MICU2: variants seen among roughly 807,000 people sequenced by gnomAD.
MICU2 encodes the protein calcium uptake protein 2, mitochondrial.
Under a neutral mutation model 60.4 loss-of-function variants are expected in MICU2, and 64 were observed. The ratio of observed to expected loss-of-function variants is 1.06; its 90% CI spans 0.87 to 1.31. The LOEUF is 1.31. Among genes scored for constraint, MICU2 ranks in the 50% most tolerant of loss-of-function variants. MICU2 has a pLI of 0.00. For missense variants in MICU2, 569 were observed against 531.0 expected (o/e 1.07, Z -0.70); for synonymous variants, 201 against 175.0 (o/e 1.15, Z -1.17).
chr13:21,595,356 G>C (rs1243111038), intron 1 of MICU2, among the ~76,000 whole-genome samples: 1 of 152,206 alleles, frequency 6.6e-6, no homozygotes, highest in African/African-American at 2.4e-5. Flanking sequence ...TCAGGTCTCA[G>C]TCCACCTTTT....
intron 4 of MICU2, chr13:21,530,978 G>C: frequency 1.3e-6 from 1 of 783,566 alleles, no homozygotes; most frequent in Non-Finnish European, 2.3e-6. Context: ...TATACACTCT[G>C]GAAATGATTA....
Position 21,530,705 on chromosome 13 carries a change from G to A in MICU2, c.467-8055C>T, listed in dbSNP as rs968037647. The A allele has an allele frequency of 8.3e-5, 35 of 423,784 alleles. No homozygotes were observed. The Middle Eastern group carries it at 1.9e-3, about 23-fold the overall frequency. The allele number at this position is 423,784 out of a possible 1,614,324, so 26.3% of individuals were successfully genotyped here. ...TACTGGGGTGGCCACTGAGGGGGTC[G>A]GGGAGGCTGCACAAGGTGGCGAGCC... On this transcript the variant is annotated intron_variant, in intron 4 of 11. Coordinates refer to ENST00000382374, the MANE Select transcript of MICU2 (RefSeq NM_152726.3).
Position 21,514,449 on chromosome 13 carries a change from T to A in MICU2, c.598-31A>T, listed in dbSNP as rs550524102. ...AAGATTACAAACATGAGTTTACATG[T>A]GTGCCTACCAGATTTTTCAAAACAA... On this transcript the variant is annotated intron_variant, in intron 6 of 11. Coordinates refer to ENST00000382374, the MANE Select transcript of MICU2 (RefSeq NM_152726.3). 18 of 1,555,888 alleles carry A rather than the reference T, an allele frequency of 1.2e-5. No homozygotes were observed. In the African/African-American group the frequency reaches 1.5e-4, roughly 13 times the overall value.
chr13:21,552,575 A>C (rs1887599350), intron 2 of MICU2, among the ~76,000 whole-genome samples: 1 of 152,166 alleles, frequency 6.6e-6, no homozygotes, highest in South Asian at 2.1e-4. Flanking sequence ...CTAACATGTA[A>C]ATCTTTAATT....
At chr13:21,555,430 T>A (rs1036797540) in intron 2 of MICU2, among the ~76,000 whole-genome samples, 1 of 152,278 alleles carries the variant, frequency 6.6e-6, no homozygotes, top group African/African-American at 2.4e-5. Context: ...CACATGATTA[T>A]CTCAATAGAT....
In MICU2 at chr13:21,566,792, C is replaced by T. The variant is rs1021920974; in HGVS notation, c.358+5G>A. 3.9e-6 allele frequency: 6 copies of T among 1,548,082 alleles called. No homozygotes were observed. Among genetic ancestry groups the T allele is most frequent in the Non-Finnish European group, 5.2e-6 (6 of 1,151,872 alleles). On this transcript the variant is annotated splice_donor_5th_base_variant and intron_variant, in intron 2 of 11. Transcript: ENST00000382374. ...TTAATTAAAAAAAAAAAAGACCCAA[C>T]TCACGTTCCATTTGCTCAAACATCA...
chr13:21,533,450 A>G (rs1157167374), intron 4 of MICU2, among the ~76,000 whole-genome samples: 2 of 151,154 alleles, frequency 1.3e-5, no homozygotes, highest in African/African-American at 4.9e-5. Context: ...CAGCCTCCCG[A>G]GTAGCTGGGA....
rs114568628 is a variant in MICU2, at chr13:21,564,309, C to T, written c.358+2488G>A. On this transcript the variant is annotated intron_variant, in intron 2 of 11. Transcript: ENST00000382374. ...CTTTTATGTTTATCTGGGTAGGAAT[C>T]GGTTGGGTTTACTGTTTGCTGTAGT... is the stretch of plus-strand genomic sequence containing the variant. Among the ~76,000 whole-genome samples, 898 of 152,172 alleles carry T rather than the reference C, an allele frequency of 5.9e-3. 9 individuals carry two copies. The highest frequency in any genetic ancestry group is 0.02 in the African/African-American group (833 of 41,528).
At chr13:21,536,670 T>C (rs1320725545) in intron 4 of MICU2, among the ~76,000 whole-genome samples, 1 of 152,232 alleles carries the variant, frequency 6.6e-6, no homozygotes, top group Non-Finnish European at 1.5e-5. Context: ...TGTAAATCTC[T>C]TGAGATAACT....
chr13:21,602,587 A>T (rs989040347), intron 1 of MICU2, among the ~76,000 whole-genome samples: 10 of 152,156 alleles, frequency 6.6e-5, no homozygotes, highest in African/African-American at 2.4e-4. Context: ...GAGAGAAACT[A>T]ATGATGAATA....
At chr13:21,572,907 T>G (rs1433331406) in intron 1 of MICU2, among the ~76,000 whole-genome samples, 1 of 150,864 alleles carries the variant, frequency 6.6e-6, no homozygotes, top group African/African-American at 2.4e-5. Flanking sequence ...TAGAAAAATA[T>G]GAAATACATT....
chr13:21,556,279 T>G (rs1318977881), intron 2 of MICU2, among the ~76,000 whole-genome samples: 2 of 152,194 alleles, frequency 1.3e-5, no homozygotes, highest in African/African-American at 2.4e-5. Context: ...CATAGTTGAT[T>G]ACTCCTTCCT....
chr13:21,512,999 GTAT>G (rs1464675012), intron 7 of MICU2, among the ~76,000 whole-genome samples: 3 of 152,036 alleles, frequency 2.0e-5, no homozygotes, highest in East Asian at 3.9e-4. Flanking sequence ...ATTGTGAATG[GTAT>G]TATATTTAAA....
intron 2 of MICU2, among the ~76,000 whole-genome samples, chr13:21,563,806 C>T (rs529702987): frequency 7.4e-6 from 1 of 135,836 alleles, no homozygotes; most frequent in South Asian, 2.4e-4. Flanking sequence ...ATGGGCCCAA[C>T]AAACACATTT....
At chr13:21,525,490 C>G (rs1215804621) in intron 4 of MICU2, among the ~76,000 whole-genome samples, 1 of 151,864 alleles carries the variant, frequency 6.6e-6, no homozygotes, top group African/African-American at 2.4e-5. Flanking sequence ...CGCGCCTGGC[C>G]AATGCTGATT....
At chr13:21,553,088 C>T (rs1225323582) in intron 2 of MICU2, among the ~76,000 whole-genome samples, 2 of 152,180 alleles carry the variant, frequency 1.3e-5, no homozygotes, top group South Asian at 4.1e-4. Context: ...CATTTGTTTG[C>T]ATCCTCTTTT....
At chr13:21,500,979 T>G (rs1329702862) in intron 9 of MICU2, among the ~76,000 whole-genome samples, 2 of 152,166 alleles carry the variant, frequency 1.3e-5, no homozygotes, top group Non-Finnish European at 2.9e-5. Flanking sequence ...TCAGTTTCAT[T>G]TTTTCAACAT....
intron 8 of MICU2, among the ~76,000 whole-genome samples, chr13:21,508,610 C>T (rs1406252275): frequency 2.6e-5 from 4 of 152,200 alleles, no homozygotes; most frequent in African/African-American, 9.6e-5. Flanking sequence ...AACCTTCACA[C>T]AGGTAAGTTC....
intron 2 of MICU2, among the ~76,000 whole-genome samples, chr13:21,559,925 G>C (rs907719969): frequency 2.6e-5 from 4 of 152,148 alleles, no homozygotes; most frequent in African/African-American, 9.7e-5. Flanking sequence ...ATTAATTGTT[G>C]CTAATCTTAT....
Sources: allele counts gnomAD v4.1 joint callset (sites outside exome capture counted in the v4.1 genomes callset), GRCh38; gene constraint gnomAD v4.1.1; transcripts MANE v1.5; gene names NCBI Gene and HGNC (gene_info 2026-07-23, HGNC 2026-07-21).